The following LTBP1 variants were observed in gnomAD, a reference collection of about 807,000 sequenced individuals.
The protein encoded by LTBP1 is latent transforming growth factor beta binding protein 1.
LTBP1 carries 129 observed loss-of-function variants against 207.6 expected under a neutral mutation model. That is an observed-to-expected ratio of 0.62 (90% CI 0.54 to 0.72). LTBP1 has a LOEUF of 0.72. Ranked by LOEUF, LTBP1 falls within the 30% of genes least tolerant of loss-of-function variation. The pLI, the probability that LTBP1 is intolerant of heterozygous loss-of-function variation, is 0.00. For synonymous variants in LTBP1, 963 were observed against 833.7 expected (o/e 1.16, Z -2.67); for missense variants, 2,281 against 2,217.2 (o/e 1.03, Z -0.58).
chr2:33,361,570 A>G, intron 28 of LTBP1, 55 bp downstream of exon 28: 1 of 1,243,846 alleles, frequency 8.0e-7, no homozygotes, highest in South Asian at 1.3e-5. Flanking sequence ...TCAGATATTC[A>G]AGTGAAAACA....
At chr2:33,138,742 A>C (rs887078512) in intron 5 of LTBP1, among the ~76,000 whole-genome samples, 4 of 151,674 alleles carry the variant, frequency 2.6e-5, no homozygotes, top group Non-Finnish European at 2.9e-5. Context: ...AGCAGTCATG[A>C]TGGTCAAAAT....
chr2:32,958,903 C>T (rs1678532314), intron 2 of LTBP1, among the ~76,000 whole-genome samples: 1 of 152,204 alleles, frequency 6.6e-6, no homozygotes, highest in East Asian at 1.9e-4. Flanking sequence ...CTTTTCCTTT[C>T]TCCTTGCCAA....
chr2:33,162,227 G>T (rs917981770), intron 5 of LTBP1, among the ~76,000 whole-genome samples: 4 of 152,126 alleles, frequency 2.6e-5, no homozygotes, highest in Non-Finnish European at 5.9e-5. Flanking sequence ...TAATAGATTT[G>T]TATTTGTTCA....
intron 2 of LTBP1, among the ~76,000 whole-genome samples, chr2:32,984,259 A>T (rs1311629475): frequency 1.3e-5 from 2 of 152,324 alleles, no homozygotes; most frequent in South Asian, 2.1e-4. Context: ...TCGACTTCTG[A>T]TACTACAAGT....
At chr2:33,039,348 C>T (rs2076075186) in intron 3 of LTBP1, among the ~76,000 whole-genome samples, 1 of 151,686 alleles carries the variant, frequency 6.6e-6, no homozygotes, top group African/African-American at 2.4e-5. Flanking sequence ...GAGAGAAACC[C>T]CACCTGTATA....
intron 2 of LTBP1, among the ~76,000 whole-genome samples, chr2:32,970,024 A>G (rs1282012608): frequency 2.0e-5 from 3 of 152,202 alleles, no homozygotes; most frequent in African/African-American, 7.2e-5. Context: ...ATGATTAATG[A>G]TGGTGAGCAT....
intron 3 of LTBP1, among the ~76,000 whole-genome samples, chr2:33,050,948 C>T (rs1045128086): frequency 2.6e-5 from 4 of 152,066 alleles, no homozygotes; most frequent in African/African-American, 9.7e-5. Context: ...TGGTCTCGAA[C>T]TCCTGACCTT....
chr2:32,996,851 G>A (rs1037788900), intron 2 of LTBP1, among the ~76,000 whole-genome samples: 5 of 152,084 alleles, frequency 3.3e-5, no homozygotes, highest in East Asian at 3.9e-4. Flanking sequence ...ACTGCCTCCC[G>A]CACTGCCCAG....
chr2:33,337,930 G>T (rs1280557220), intron 24 of LTBP1, among the ~76,000 whole-genome samples: 1 of 152,130 alleles, frequency 6.6e-6, no homozygotes, highest in Non-Finnish European at 1.5e-5. Context: ...ACTCGTATTT[G>T]TAGCAGTTCT....
rs565618504 is a variant in LTBP1, at chr2:33,231,478, C to T, written c.1876+9327C>T. On this transcript the variant is annotated intron_variant, in intron 9 of 33. Transcript: ENST00000404816. ...TTAAATGAGACTCCACAGTCTTGATCAATATTCTGCATAAGGACTTTTTGG... is the reference window on the plus strand; with the variant it reads ...TTAAATGAGACTCCACAGTCTTGATTAATATTCTGCATAAGGACTTTTTGG... 1.2e-4 allele frequency among the ~76,000 whole-genome samples: 18 copies of T among 152,264 alleles called. No individual in the cohort carries two copies. In the South Asian group the frequency reaches 3.5e-3, roughly 30 times the overall value.
At chr2:33,037,370 G>A (rs188902810) in intron 3 of LTBP1, among the ~76,000 whole-genome samples, 34 of 152,098 alleles carry the variant, frequency 2.2e-4, no homozygotes, top group African/African-American at 6.5e-4. Flanking sequence ...CTTGTGCTGG[G>A]TTCTGGCTGA....
At chr2:33,315,366 C>A in intron 24 of LTBP1, 97 bp downstream of exon 24, 2 of 1,438,514 alleles carry the variant, frequency 1.4e-6, no homozygotes, top group East Asian at 2.3e-5. Flanking sequence ...AGAGGTACTG[C>A]ATAATTCAGA....
chr2:33,101,532 TGAG>T (rs1236601247), intron 3 of LTBP1, among the ~76,000 whole-genome samples: 2 of 152,340 alleles, frequency 1.3e-5, no homozygotes, highest in East Asian at 3.9e-4. Flanking sequence ...ATGAAGGAGT[TGAG>T]GTAATTCTTC....
chr2:33,293,086 T>A, intron 19 of LTBP1, 74 bp from the exon 20 acceptor site: 1 of 1,492,222 alleles, frequency 6.7e-7, no homozygotes, highest in Non-Finnish European at 9.1e-7. Context: ...TTTCCATTTC[T>A]AACCAAATTT....
chr2:33,247,076 T>A (rs2092538222), intron 10 of LTBP1, among the ~76,000 whole-genome samples: 1 of 152,182 alleles, frequency 6.6e-6, no homozygotes, highest in Admixed American at 6.5e-5. Flanking sequence ...AATGTGTCCA[T>A]AGGTTCAGTA....
chr2:32,973,126 G>A (rs1205193569), intron 2 of LTBP1, among the ~76,000 whole-genome samples: 2 of 151,680 alleles, frequency 1.3e-5, no homozygotes, highest in Non-Finnish European at 2.9e-5. Flanking sequence ...TTTTTTTGTT[G>A]TTGAGACTTC....
chr2:33,384,311 C>G (rs764181422), intron 31 of LTBP1, among the ~76,000 whole-genome samples: 1 of 152,188 alleles, frequency 6.6e-6, no homozygotes, highest in African/African-American at 2.4e-5. Context: ...TACTTAGCGA[C>G]GGCGTCCCAT....
chr2:33,173,023 A>G (rs1341311666), intron 5 of LTBP1, among the ~76,000 whole-genome samples: 3 of 152,206 alleles, frequency 2.0e-5, no homozygotes, highest in East Asian at 1.9e-4. Flanking sequence ...AGGGAAATTT[A>G]TAGCACTAAA....
chr2:32,971,040 G>GTGTGTCTGTC (rs1553350258), intron 2 of LTBP1, among the ~76,000 whole-genome samples: 1 of 137,128 alleles, frequency 7.3e-6, no homozygotes, highest in African/African-American at 2.6e-5. Context: ...GTGTGTGTGT[G>GTGTGTCTGTC]TGTCTGTCTG....
Sources: gnomAD v4.1 joint callset for allele counts (sites outside exome capture counted in the v4.1 genomes callset) on GRCh38, gnomAD v4.1.1 for gene constraint, MANE v1.5 for transcripts, NCBI Gene and HGNC (gene_info 2026-07-23, HGNC 2026-07-21) for gene names.